SPAG16: variants seen among roughly 807,000 people sequenced by gnomAD.
SPAG16 encodes sperm-associated antigen 16 protein.
In SPAG16, 86 loss-of-function variants were observed where a neutral mutation model predicts 80.4. The ratio of observed to expected loss-of-function variants is 1.07; its 90% CI spans 0.90 to 1.28. The LOEUF (loss-of-function observed/expected upper bound fraction) is 1.28. Ranked by LOEUF, SPAG16 falls within the 50% of genes most tolerant of loss-of-function variation. The pLI is 0.00. For synonymous variants in SPAG16, 294 were observed against 265.9 expected, an observed-to-expected ratio of 1.11 and a Z score of -1.03; for missense variants, 870 against 765.3, an observed-to-expected ratio of 1.14 and a Z score of -1.61.
chr2:214,154,491 G>A (rs925607372), intron 15 of SPAG16, among the ~76,000 whole-genome samples: 25 of 116,418 alleles, frequency 2.1e-4, no homozygotes, highest in Non-Finnish European at 4.1e-4. Context: ...AATGCAAAAA[G>A]TATCAGACCC....
chr2:214,031,978 A>T (rs7584924), intron 13 of SPAG16, among the ~76,000 whole-genome samples: 121,565 of 152,158 alleles, frequency 0.8, 48,862 homozygotes, highest in South Asian at 0.87. Flanking sequence ...CAACATGAGA[A>T]CTGGGTGAGG....
At chr2:213,878,799 T>C (rs2076236350) in intron 11 of SPAG16, among the ~76,000 whole-genome samples, 1 of 152,186 alleles carries the variant, frequency 6.6e-6, no homozygotes, top group Admixed American at 6.5e-5. Flanking sequence ...TTTAAATTCT[T>C]AATCCATCTT....
At chr2:213,685,342 A>G (rs1169890029) in intron 10 of SPAG16, among the ~76,000 whole-genome samples, 1 of 152,218 alleles carries the variant, frequency 6.6e-6, no homozygotes, top group Non-Finnish European at 1.5e-5. Flanking sequence ...TGCAGAGGAA[A>G]GACTATGTGA....
At chr2:214,410,080 T>C in intron 15 of SPAG16, 60 bp from the exon 16 acceptor site, 2 of 1,584,040 alleles carry the variant, frequency 1.3e-6, no homozygotes, top group Non-Finnish European at 8.7e-7. Flanking sequence ...TTATAAACTG[T>C]GAACACTTGA....
chr2:213,343,929 C>A (rs1028034773), intron 6 of SPAG16, among the ~76,000 whole-genome samples: 10 of 152,048 alleles, frequency 6.6e-5, no homozygotes, highest in Non-Finnish European at 1.5e-4. Context: ...AGAGGCTGGG[C>A]ATAACCTTCC....
intron 15 of SPAG16, among the ~76,000 whole-genome samples, chr2:214,202,226 A>G (rs1198515383): frequency 6.6e-6 from 1 of 152,228 alleles, no homozygotes; most frequent in African/African-American, 2.4e-5. Flanking sequence ...ATTTAGAAAG[A>G]AAGAGTTTAA....
intron 11 of SPAG16, among the ~76,000 whole-genome samples, chr2:213,879,423 A>G (rs2076262763): frequency 6.6e-6 from 1 of 151,630 alleles, no homozygotes; most frequent in Non-Finnish European, 1.5e-5. Flanking sequence ...ACACACACAC[A>G]TATTTGTAGC....
intron 11 of SPAG16, among the ~76,000 whole-genome samples, chr2:213,912,120 A>G (rs2077704295): frequency 6.6e-6 from 1 of 152,180 alleles, no homozygotes; most frequent in Non-Finnish European, 1.5e-5. Context: ...ATTTTATATT[A>G]TCAATAATTT....
At chr2:213,981,000 AC>A (rs1167664765) in intron 12 of SPAG16, among the ~76,000 whole-genome samples, 2 of 152,054 alleles carry the variant, frequency 1.3e-5, no homozygotes, top group African/African-American at 4.8e-5. Flanking sequence ...ACAAAATACT[AC>A]AAACTGAGTG....
chr2:213,917,262 C>T (rs1247108690), intron 11 of SPAG16, among the ~76,000 whole-genome samples: 1 of 151,986 alleles, frequency 6.6e-6, no homozygotes, highest in Non-Finnish European at 1.5e-5. Flanking sequence ...TATTTGGGCT[C>T]TTTTTTTGGT....
At chr2:213,943,642 A>T (rs2079310754) in intron 12 of SPAG16, among the ~76,000 whole-genome samples, 1 of 152,198 alleles carries the variant, frequency 6.6e-6, no homozygotes, top group Non-Finnish European at 1.5e-5. Flanking sequence ...GTTTTAAAGG[A>T]TCAGCTTGGT....
chr2:213,688,154 A>G (rs1299393573), intron 10 of SPAG16, among the ~76,000 whole-genome samples: 2 of 152,202 alleles, frequency 1.3e-5, no homozygotes, highest in Non-Finnish European at 2.9e-5. Flanking sequence ...TTTCTAGTTG[A>G]CAATTGGTTG....
chr2:214,243,706 C>T (rs1576581153), intron 15 of SPAG16, among the ~76,000 whole-genome samples: 1 of 152,120 alleles, frequency 6.6e-6, no homozygotes, highest in Middle Eastern at 3.4e-3. Context: ...CAATTACATG[C>T]AATTAGTGAT....
chr2:213,941,469 T>TAG (rs913262549), intron 12 of SPAG16, among the ~76,000 whole-genome samples: 40 of 151,378 alleles, frequency 2.6e-4, no homozygotes, highest in Non-Finnish European at 4.0e-4. Context: ...TACGCATACA[T>TAG]AGAGAGAGAG....
intron 10 of SPAG16, among the ~76,000 whole-genome samples, chr2:213,689,004 G>T (rs2064816074): frequency 6.6e-6 from 1 of 152,064 alleles, no homozygotes; most frequent in Non-Finnish European, 1.5e-5. Context: ...CTGTTGCCCA[G>T]GCTGGAGTGC....
At chr2:213,415,583 A>T (rs12473341) in intron 9 of SPAG16, among the ~76,000 whole-genome samples, 39,812 of 152,126 alleles carry the variant, frequency 0.26, 6,044 homozygotes, top group Middle Eastern at 0.44. Flanking sequence ...TTATGGGGCA[A>T]ATCTTCATGG....
At chr2:213,599,008 G>A (rs900380426) in intron 10 of SPAG16, among the ~76,000 whole-genome samples, 1 of 152,134 alleles carries the variant, frequency 6.6e-6, no homozygotes, top group African/African-American at 2.4e-5. Flanking sequence ...TATAGGAAAG[G>A]TTATGTCTCC....
At chr2:214,311,502 G>T (rs1695317692) in intron 15 of SPAG16, 1 of 152,246 alleles carries the variant, frequency 6.6e-6, no homozygotes, top group African/African-American at 2.4e-5. Context: ...AACCCCGACA[G>T]TTTGGCTGTT....
intron 14 of SPAG16, among the ~76,000 whole-genome samples, chr2:214,129,303 T>C (rs1259721183): frequency 1.3e-5 from 2 of 152,184 alleles, no homozygotes; most frequent in African/African-American, 4.8e-5. Flanking sequence ...TGTTATGGGA[T>C]AGAAATCGTC....
Sources: gnomAD v4.1 joint callset for allele counts (sites outside exome capture counted in the v4.1 genomes callset) on GRCh38, gnomAD v4.1.1 for gene constraint, MANE v1.5 for transcripts, NCBI Gene and HGNC (gene_info 2026-07-23, HGNC 2026-07-21) for gene names.